Variants in USP48 observed in about 807,000 individuals in gnomAD.
The protein encoded by USP48 is ubiquitin specific peptidase 48.
Under a neutral mutation model 150.7 loss-of-function variants are expected in USP48, and 43 were observed. The observed-to-expected ratio is 0.29, with a 90% CI of 0.22 to 0.37. The LOEUF (loss-of-function observed/expected upper bound fraction) is 0.37, where lower values mean the gene tolerates loss of function less well. Ranked by LOEUF, USP48 falls within the 10% of genes least tolerant of loss-of-function variation. USP48 has a pLI of 1.00. For synonymous variants in USP48, 396 were observed against 425.9 expected, an observed-to-expected ratio of 0.93 and a Z score of 0.86; for missense variants, 813 against 1,249.6, an observed-to-expected ratio of 0.65 and a Z score of 5.27.
chr1:21,690,044 T>C lies in USP48; in HGVS notation c.2939A>G (p.Lys980Arg), dbSNP rs1318900528. The change falls in exon 24 of 27, where the codon AAG (lysine) becomes AGG (arginine). Residue 980 changes from lysine to arginine, a missense_variant. Lys to Arg is a conservative substitution (Grantham distance 26, BLOSUM62 2). Coordinates refer to ENST00000308271, the MANE Select transcript of USP48 (RefSeq NM_032236.8). ...GGTGGCACAGTCATCACTTAAAATC[T>C]TTCCATCAATTGACAAATTCTGGTC... Reference protein sequence around the residue: ...PFDQNLSIDGKILSDDCATLG... With the variant: ...PFDQNLSIDGRILSDDCATLG... 2.5e-6 allele frequency: 4 copies of C among 1,614,056 alleles called. No individual in the cohort carries two copies. Among genetic ancestry groups the C allele is most frequent in the African/African-American group, 2.7e-5 (2 of 74,914 alleles).
rs532171992 is a variant in USP48, at chr1:21,706,637, C to G, written c.2089-48G>C. On this transcript the variant is annotated intron_variant, in intron 16 of 26. Transcript: ENST00000308271. ...ACTGTCTCCTGCTGACAGCACATGA[C>G]CTGCCTCCTCCCTACACCCCCGTCA... The G allele has an allele frequency of 6.2e-6, 10 of 1,613,472 alleles. No homozygotes were observed. The East Asian group carries it at 2.0e-4, about 32-fold the overall frequency.
At chr1:21,761,053 C>T (rs1427643897) in intron 1 of USP48, among the ~76,000 whole-genome samples, 1 of 151,724 alleles carries the variant, frequency 6.6e-6, no homozygotes, top group Non-Finnish European at 1.5e-5. Flanking sequence ...CAAGATCACG[C>T]CATCGCACTC....
intron 1 of USP48, among the ~76,000 whole-genome samples, chr1:21,758,092 C>G (rs1441251966): frequency 6.6e-6 from 1 of 151,970 alleles, no homozygotes; most frequent in Non-Finnish European, 1.5e-5. Context: ...CATTACAGCA[C>G]TGTCTGTTAA....
At chr1:21,708,771 G>A (rs369027948) in intron 15 of USP48, among the ~76,000 whole-genome samples, 1 of 149,158 alleles carries the variant, frequency 6.7e-6, no homozygotes, top group Non-Finnish European at 1.5e-5. Context: ...TGTAATTGCA[G>A]CTACATGGGA....
At chr1:21,680,867 T>G in intron 25 of USP48, 33 bp from the exon 26 acceptor site, 1 of 1,544,654 alleles carries the variant, frequency 6.5e-7, no homozygotes, top group Non-Finnish European at 8.8e-7. Flanking sequence ...AATTCCAAAT[T>G]GAAAAGATTG....
intron 25 of USP48, chr1:21,686,868 C>T (rs2097581685): frequency 3.5e-6 from 1 of 287,336 alleles, no homozygotes; most frequent in Admixed American, 5.0e-5. Context: ...CAATTCATTC[C>T]CACCTTCAGA....
intron 15 of USP48, among the ~76,000 whole-genome samples, chr1:21,708,896 A>AG (rs1557465578): frequency 9.3e-6 from 1 of 107,556 alleles, no homozygotes; most frequent in Non-Finnish European, 2.0e-5. Flanking sequence ...AAAAAAAAAA[A>AG]AAAAAAGAAA....
At position 21,760,664 on chromosome 1, in the gene USP48, C is replaced by T. The variant is rs528389703; in HGVS notation, c.135-2881G>A. ...TGGAAGGCGGGAGGGTGCAGTGAGC[C>T]GAGATCGTGCCACTGCACTCCAGCC... On this transcript the variant is annotated intron_variant, in intron 1 of 26. Transcript: ENST00000308271. Among the ~76,000 whole-genome samples the T allele has an allele frequency of 6.6e-4, 100 of 151,290 alleles. 1 individual carries two copies. The highest frequency in any genetic ancestry group is 2.3e-3 in the African/African-American group (94 of 41,146).
At chr1:21,687,080 G>A (rs2097582260) in intron 25 of USP48, 111 bp downstream of exon 25, 2 of 971,644 alleles carry the variant, frequency 2.1e-6, no homozygotes, top group East Asian at 5.2e-5. Flanking sequence ...ATATGTGGAA[G>A]CTTTTTTCAA....
At chr1:21,723,241 G>T (rs538361583) in intron 12 of USP48, among the ~76,000 whole-genome samples, 1 of 152,012 alleles carries the variant, frequency 6.6e-6, no homozygotes, top group Non-Finnish European at 1.5e-5. Context: ...ATAGCTGGGC[G>T]GGTGTGGTGG....
intron 15 of USP48, among the ~76,000 whole-genome samples, chr1:21,708,674 G>A (rs1307083048): frequency 6.6e-6 from 1 of 151,760 alleles, no homozygotes; most frequent in Non-Finnish European, 1.5e-5. Flanking sequence ...ACAAGGTCAG[G>A]AGTTCAAGAC....
At position 21,748,288 on chromosome 1, in the gene USP48, C is replaced by T; in HGVS notation, c.775-17G>A. The T allele has an allele frequency of 6.3e-7, 1 of 1,593,242 alleles. No individual in the cohort carries two copies. Among genetic ancestry groups the T allele is most frequent in the African/African-American group, 1.4e-5 (1 of 74,002 alleles). On this transcript the variant is annotated splice_polypyrimidine_tract_variant and intron_variant, in intron 6 of 26. Transcript: ENST00000308271. ...TTTTTCTTCCTGATCAAGAATAAGA[C>T]ATATTAATTTTAAAAAGAAGATGGG...
chr1:21,724,321 G>A (rs751648720), intron 11 of USP48: 5 of 604,852 alleles, frequency 8.3e-6, no homozygotes, highest in South Asian at 2.0e-5. Context: ...TCTGCACAGT[G>A]CCCTATGAGA....
At chr1:21,753,206 T>A in intron 3 of USP48, 87 bp from the exon 4 acceptor site, 1 of 1,302,006 alleles carries the variant, frequency 7.7e-7, no homozygotes, top group Non-Finnish European at 1.1e-6. Flanking sequence ...CATGAGAACA[T>A]AAACATCTCT....
chr1:21,765,979 T>C (rs2097861322), intron 1 of USP48, among the ~76,000 whole-genome samples: 1 of 145,988 alleles, frequency 6.8e-6, no homozygotes, highest in Non-Finnish European at 1.5e-5. Context: ...TTCAAGCATA[T>C]TGATGGGAAG....
chr1:21,752,306 G>A (rs1387719537), intron 5 of USP48, among the ~76,000 whole-genome samples: 2 of 152,128 alleles, frequency 1.3e-5, no homozygotes, highest in Non-Finnish European at 2.9e-5. Context: ...AGAGCAGACT[G>A]CAAGAGCTCA....
In USP48 at chr1:21,776,592, CAAAAAAA is replaced by C. The variant is rs59309344; in HGVS notation, c.134+6225_134+6231del. ...GGAGAAAGTGAATAGTGTCTTGTCTCAAAAAAAAAAAAAAAAAAAAAAAAAAGAAGAA... is the reference window on the plus strand; with the variant it reads ...GGAGAAAGTGAATAGTGTCTTGTCTCAAAAAAAAAAAAAAAAAAAGAAGAA... On this transcript the variant is annotated intron_variant, in intron 1 of 26. Transcript: ENST00000308271. Among the ~76,000 whole-genome samples the C allele has an allele frequency of 2.7e-3, 155 of 58,012 alleles. 2 individuals are homozygous for C. The East Asian group carries it at 0.078, about 29-fold the overall frequency. 38.1% of individuals were successfully genotyped at this position (58,012 alleles called of 152,430 possible).
chr1:21,782,757 C>T, intron 1 of USP48, 67 bp downstream of exon 1: 1 of 1,472,100 alleles, frequency 6.8e-7, no homozygotes, highest in Non-Finnish European at 9.0e-7. Context: ...CTTCCTTTCC[C>T]CTACCCCGCC....
Position 21,725,358 on chromosome 1 carries a change from T to C in USP48, c.1451-1263A>G, listed in dbSNP as rs539656713. On this transcript the variant is annotated intron_variant, in intron 11 of 26. Coordinates refer to ENST00000308271, the MANE Select transcript of USP48 (RefSeq NM_032236.8). Reference sequence around the variant, plus strand: ...TTCTACCTACCTCATGGGAATGTTGTTGAGTATAAAAGATAAGCTATGTGA... The same window carrying C: ...TTCTACCTACCTCATGGGAATGTTGCTGAGTATAAAAGATAAGCTATGTGA... Among the ~76,000 whole-genome samples, 17 of 152,290 alleles carry C rather than the reference T, an allele frequency of 1.1e-4. No individual in the cohort carries two copies. The East Asian group carries it at 3.3e-3, about 29-fold the overall frequency.
Sources: allele counts gnomAD v4.1 joint callset (sites outside exome capture counted in the v4.1 genomes callset), GRCh38; gene constraint gnomAD v4.1.1; transcripts MANE v1.5; gene names NCBI Gene and HGNC (gene_info 2026-07-23, HGNC 2026-07-21).